Variants in CASR observed in about 807,000 individuals in gnomAD.
The protein encoded by CASR is extracellular calcium-sensing receptor.
In CASR, 23 loss-of-function variants were observed where a neutral mutation model predicts 69.1. The ratio of observed to expected loss-of-function variants is 0.33; its 90% CI spans 0.24 to 0.47. CASR has a LOEUF of 0.47. CASR is among the 20% of genes least tolerant of loss of function. The pLI is 1.00. For synonymous variants in CASR, 541 were observed against 544.7 expected, an observed-to-expected ratio of 0.99 and a Z score of 0.10; for missense variants, 924 against 1,356.1, an observed-to-expected ratio of 0.68 and a Z score of 5.00.
At chr3:122,278,224 GATGTTCTCA>G (rs2074846286) in intron 5 of CASR, among the ~76,000 whole-genome samples, 1 of 152,090 alleles carries the variant, frequency 6.6e-6, no homozygotes, top group South Asian at 2.1e-4. Flanking sequence ...ATACTTAACT[GATGTTCTCA>G]ATTTTCTTAC....
chr3:122,195,052 C>T (rs113357794), intron 1 of CASR, among the ~76,000 whole-genome samples: 4,605 of 152,062 alleles, frequency 0.03, 106 homozygotes, highest in South Asian at 0.067. Context: ...CTTCACTTCC[C>T]TCCATCCCTC....
intron 1 of CASR, among the ~76,000 whole-genome samples, chr3:122,243,090 A>G (rs2074393764): frequency 6.6e-6 from 1 of 152,176 alleles, no homozygotes; most frequent in African/African-American, 2.4e-5. Flanking sequence ...AACACTGGGG[A>G]AGCTCTCCAG....
chr3:122,285,816 G>A lies in CASR; in HGVS notation c.*625G>A, dbSNP rs886057833. On this transcript the variant is annotated 3_prime_UTR_variant, in exon 7 of 7. Transcript: ENST00000639785. ...CCATGTTTAGATTCCAGGATCACAA[G>A]AATCACCTCAAATTGTTAGGAAGGG... 1 of 156,262 alleles carries A rather than the reference G, an allele frequency of 6.4e-6. No individual in the cohort carries two copies. Among genetic ancestry groups the A allele is most frequent in the African/African-American group, 2.4e-5 (1 of 41,426 alleles). The allele number at this position is 156,262 out of a possible 1,614,324, so 9.7% of individuals were successfully genotyped here.
intron 1 of CASR, among the ~76,000 whole-genome samples, chr3:122,245,748 A>G (rs988374988): frequency 3.3e-5 from 5 of 152,316 alleles, no homozygotes; most frequent in African/African-American, 9.6e-5. Flanking sequence ...AACTTAGGAA[A>G]TAAAAGTCGG....
chr3:122,254,020 T>C lies in CASR; in HGVS notation c.-170T>C. ...GGACCACCCACATTACAAGTCTGGA[T>C]TGAGGAAGGCAGAAATGGAGATTCA... On this transcript the variant is annotated 5_prime_UTR_variant, in exon 2 of 7. Transcript: ENST00000639785. 2.7e-6 allele frequency: 2 copies of C among 729,982 alleles called. No individual in the cohort carries two copies. The highest frequency in any genetic ancestry group is 2.6e-5 in the East Asian group (1 of 38,372). The allele number at this position is 729,982 out of a possible 1,614,324, so 45.2% of individuals were successfully genotyped here. A position where few individuals can be genotyped will look rare whatever the true frequency, so the allele number is the denominator to read the frequency against.
chr3:122,265,211 C>T lies in CASR; in HGVS notation c.1377+2799C>T, dbSNP rs149695876. 5.3e-5 allele frequency among the ~76,000 whole-genome samples: 8 copies of T among 152,324 alleles called. No individual in the cohort carries two copies. In the South Asian group the frequency reaches 8.3e-4, roughly 16 times the overall value. On this transcript the variant is annotated intron_variant, in intron 4 of 6. Coordinates refer to ENST00000639785, the MANE Select transcript of CASR (RefSeq NM_000388.4). ...TTGATGTTTATATACCCAGCTTAAG[C>T]TTCCACAGCTCTTTAATTGACTGAA...
chr3:122,274,822 C>T (rs2074797063), intron 4 of CASR, among the ~76,000 whole-genome samples: 1 of 152,212 alleles, frequency 6.6e-6, no homozygotes, highest in South Asian at 2.1e-4. Flanking sequence ...CACTCACAGG[C>T]TGGACCCTGC....
In CASR at chr3:122,287,137, A is replaced by G. The variant is rs2074977240; in HGVS notation, c.*1946A>G. 1 of 152,230 alleles carries G rather than the reference A, an allele frequency of 6.6e-6. No homozygotes were observed. The highest frequency in any genetic ancestry group is 6.5e-5 in the Admixed American group (1 of 15,278). The allele number at this position is 152,230 out of a possible 1,614,324, so 9.4% of individuals were successfully genotyped here. On this transcript the variant is annotated 3_prime_UTR_variant, in exon 7 of 7. Transcript: ENST00000639785. ...ATATTTAACATTTTACTTGGTCTTA[A>G]AAGAAATGCTGAAAATGTGATGGTT... is the stretch of plus-strand genomic sequence containing the variant.
At chr3:122,184,676 G>A (rs34180927) in intron 1 of CASR, 1,683 of 152,596 alleles carry the variant, frequency 0.011, 34 homozygotes, top group African/African-American at 0.038. Context: ...GCGTGAACGT[G>A]GGGGAAAGTA....
intron 1 of CASR, among the ~76,000 whole-genome samples, chr3:122,219,536 G>A (rs1216729300): frequency 6.6e-6 from 1 of 152,178 alleles, no homozygotes; most frequent in African/African-American, 2.4e-5. Context: ...TCACATCAGG[G>A]TCTGTAGCAG....
At chr3:122,217,810 GA>G (rs953491668) in intron 1 of CASR, among the ~76,000 whole-genome samples, 14 of 150,948 alleles carry the variant, frequency 9.3e-5, no homozygotes, top group East Asian at 1.9e-4. Context: ...GCCTGCCACA[GA>G]AAAAAAAATG....
chr3:122,276,725 C>A (rs1475562126), intron 5 of CASR, among the ~76,000 whole-genome samples: 1 of 152,218 alleles, frequency 6.6e-6, no homozygotes, highest in Non-Finnish European at 1.5e-5. Context: ...TTATTCTCCT[C>A]CTCCAGGAGA....
chr3:122,250,453 T>C (rs949090666), intron 1 of CASR, among the ~76,000 whole-genome samples: 3 of 152,228 alleles, frequency 2.0e-5, no homozygotes, highest in Admixed American at 6.5e-5. Context: ...TCTCAGTGAC[T>C]AACCCTAGCC....
At chr3:122,238,591 AG>A (rs1171088928) in intron 1 of CASR, among the ~76,000 whole-genome samples, 1 of 152,198 alleles carries the variant, frequency 6.6e-6, no homozygotes. Context: ...GACACCAGCC[AG>A]GGTGGCTAAG....
In CASR at chr3:122,262,395, A is replaced by G. The variant is rs1029613003; in HGVS notation, c.1360A>G (p.Lys454Glu). Residue 454 changes from lysine to glutamate, a missense_variant, in exon 4 of 7, where the codon AAA (lysine) becomes GAA (glutamate). Physicochemically the swap from Lys to Glu is moderately conservative, Grantham distance 56. Transcript: ENST00000639785. ...FTNGSCADIK[K>E]VEAWQVLKHL... is the part of the protein sequence containing the mutation. ...CAATGGCTCCTGTGCAGACATCAAG[A>G]AAGTTGAGGCGTGGCAGGTGCGTCC... is the stretch of plus-strand genomic sequence containing the variant. 2 of 1,613,240 alleles carry G rather than the reference A, an allele frequency of 1.2e-6. No homozygotes were observed. The highest frequency in any genetic ancestry group is 1.7e-6 in the Non-Finnish European group (2 of 1,180,026).
chr3:122,205,786 T>C (rs1344127026), intron 1 of CASR, among the ~76,000 whole-genome samples: 1 of 151,988 alleles, frequency 6.6e-6, no homozygotes, highest in Non-Finnish European at 1.5e-5. Flanking sequence ...ATTTTTCACT[T>C]ATTTGATTAA....
At chr3:122,195,420 T>A (rs2107583091) in intron 1 of CASR, among the ~76,000 whole-genome samples, 1 of 152,348 alleles carries the variant, frequency 6.6e-6, no homozygotes, top group East Asian at 1.9e-4. Context: ...TGACCCATAT[T>A]TATGAACCAG....
chr3:122,222,376 C>A (rs912582509), intron 1 of CASR, among the ~76,000 whole-genome samples: 1 of 152,070 alleles, frequency 6.6e-6, no homozygotes, highest in Non-Finnish European at 1.5e-5. Context: ...ATCCGTTGAG[C>A]ACACTACTGC....
intron 1 of CASR, among the ~76,000 whole-genome samples, chr3:122,244,603 G>A (rs2074409220): frequency 6.6e-6 from 1 of 152,126 alleles, no homozygotes; most frequent in Admixed American, 6.6e-5. Context: ...CCATCTTTGG[G>A]GAAGGTAATG....
Sources: gnomAD v4.1 joint callset for allele counts (sites outside exome capture counted in the v4.1 genomes callset) on GRCh38, gnomAD v4.1.1 for gene constraint, MANE v1.5 for transcripts, NCBI Gene and HGNC (gene_info 2026-07-23, HGNC 2026-07-21) for gene names.